Variants in ASB18 observed in about 807,000 individuals in gnomAD.
The protein encoded by ASB18 is ankyrin repeat and SOCS box containing 18.
A neutral mutation model predicts 33.4 loss-of-function variants in ASB18; 33 were observed. The ratio of observed to expected loss-of-function variants is 0.99; its 90% CI spans 0.75 to 1.32. The LOEUF is 1.32. Ranked by LOEUF, ASB18 falls within the 40% of genes most tolerant of loss-of-function variation. The pLI, the probability that ASB18 is intolerant of heterozygous loss-of-function variation, is 0.00. For synonymous variants in ASB18, 295 were observed against 307.6 expected (o/e 0.96, Z 0.43); for missense variants, 694 against 655.5 (o/e 1.06, Z -0.64).
At position 236,245,675 on chromosome 2, in the gene ASB18, C is replaced by T. The variant is rs999068680; in HGVS notation, c.206-4273G>A. Among the ~76,000 whole-genome samples, 3 of 152,212 alleles carry T rather than the reference C, an allele frequency of 2.0e-5. No individual in the cohort carries two copies. The highest frequency in any genetic ancestry group is 4.4e-5 in the Non-Finnish European group (3 of 68,046). ...TGCACTCTGACTGTGGCACTGGGCGCTCTACTATTACTGCTGGTTCCTTGT... is the reference window on the plus strand; with the variant it reads ...TGCACTCTGACTGTGGCACTGGGCGTTCTACTATTACTGCTGGTTCCTTGT... On this transcript the variant is annotated intron_variant, in intron 1 of 5. Coordinates refer to ENST00000409749, the MANE Select transcript of ASB18 (RefSeq NM_212556.4). This position sits in a 1 kb window ranked among gnomAD's most constrained non-coding sequence, Gnocchi z 4.7.
In ASB18 at chr2:236,259,008, G is replaced by C. The variant is rs750635297; in HGVS notation, c.205+5133C>G. On this transcript the variant is annotated intron_variant, in intron 1 of 5. Transcript: ENST00000409749. The surrounding 1 kb of genome is among the most constrained non-coding windows in gnomAD (Gnocchi z 4.4). ...TTTCTTAAGTCGTTTGATTACACCAGTTACCAAATTGTACAGTTGATGCAT... is the reference window on the plus strand; with the variant it reads ...TTTCTTAAGTCGTTTGATTACACCACTTACCAAATTGTACAGTTGATGCAT... 5.1e-4 allele frequency among the ~76,000 whole-genome samples: 77 copies of C among 152,142 alleles called. No homozygotes were observed. The highest frequency in any genetic ancestry group is 8.8e-4 in the Non-Finnish European group (60 of 68,020).
rs1372709569 is a variant in ASB18, at chr2:236,222,073, T to C, written c.597-7207A>G. ...GCAGGAAGGTTTCCTCCTGTGGCTC[T>C]ATGCCCCAGCTGACTCCGATGAAGG... On this transcript the variant is annotated intron_variant, in intron 3 of 5. Transcript: ENST00000409749. This position sits in a 1 kb window ranked among gnomAD's most constrained non-coding sequence, Gnocchi z 5.5. Among the ~76,000 whole-genome samples the C allele has an allele frequency of 6.6e-6, 1 of 152,184 alleles. No homozygotes were observed. Among genetic ancestry groups the C allele is most frequent in the Admixed American group, 6.5e-5 (1 of 15,278 alleles).
rs1182738885 is a variant in ASB18 at position 236,205,484 on chromosome 2, A to C, written c.1101+8878T>G. Among the ~76,000 whole-genome samples the C allele has an allele frequency of 6.6e-6, 1 of 152,020 alleles. No individual in the cohort carries two copies. Among genetic ancestry groups the C allele is most frequent in the Non-Finnish European group, 1.5e-5 (1 of 68,000 alleles). On this transcript the variant is annotated intron_variant, in intron 4 of 5. Transcript: ENST00000409749. The surrounding 1 kb of genome is among the most constrained non-coding windows in gnomAD (Gnocchi z 5.4). ...ATTGCAACTGCCTTCCACCCTTTTA[A>C]TTTCTCTATAGTCCTTATCACTTTT...
chr2:236,236,454 G>A (rs541608820), intron 3 of ASB18, among the ~76,000 whole-genome samples: 2 of 152,256 alleles, frequency 1.3e-5, no homozygotes, highest in African/African-American at 4.8e-5. Flanking sequence ...TGGACTGCGG[G>A]GTGTTGCACG....
rs760156727 is a variant in ASB18, at chr2:236,259,561, A to G, written c.205+4580T>C. The G allele has an allele frequency of 5.5e-5, 26 of 471,002 alleles. No homozygotes were observed. In the Middle Eastern group the frequency reaches 1.9e-3, roughly 35 times the overall value. The allele number at this position is 471,002 out of a possible 1,614,324, so 29.2% of individuals were successfully genotyped here. Reference sequence around the variant, plus strand: ...AAGGGATGGCCTTCCAGTGGACGTGACCTCCCCTGCATGGGGTCGGAAGGA... The same window carrying G: ...AAGGGATGGCCTTCCAGTGGACGTGGCCTCCCCTGCATGGGGTCGGAAGGA... On this transcript the variant is annotated intron_variant, in intron 1 of 5. Coordinates refer to ENST00000409749, the MANE Select transcript of ASB18 (RefSeq NM_212556.4). The surrounding 1 kb of genome is among the most constrained non-coding windows in gnomAD (Gnocchi z 4.4).
Position 236,260,417 on chromosome 2 carries a change from GCATTTCAAGGT to G in ASB18, c.205+3713_205+3723del, listed in dbSNP as rs2060712542. 1.3e-5 allele frequency among the ~76,000 whole-genome samples: 2 copies of G among 152,086 alleles called. No homozygotes were observed. The highest frequency in any genetic ancestry group is 4.1e-4 in the South Asian group (2 of 4,824). On this transcript the variant is annotated intron_variant, in intron 1 of 5. Coordinates refer to ENST00000409749, the MANE Select transcript of ASB18 (RefSeq NM_212556.4). This position sits in a 1 kb window ranked among gnomAD's most constrained non-coding sequence, Gnocchi z 5.1. ...ACAGTGTCCATTCCCAATATGTGCT[GCATTTCAAGGT>G]CATTGCCATAAGTTTTGACCACTGT... is the stretch of plus-strand genomic sequence containing the variant.
At position 236,219,887 on chromosome 2, in the gene ASB18, G is replaced by C. The variant is rs907175742; in HGVS notation, c.597-5021C>G. 6.6e-6 allele frequency among the ~76,000 whole-genome samples: 1 copy of C among 152,182 alleles called. No individual in the cohort carries two copies. The highest frequency in any genetic ancestry group is 1.5e-5 in the Non-Finnish European group (1 of 68,034). Reference sequence around the variant, plus strand: ...CAGTCACCGTTGGGATCTAAGGGTAGAATTCCCATCTGAGGATGTCAGAAC... The same window carrying C: ...CAGTCACCGTTGGGATCTAAGGGTACAATTCCCATCTGAGGATGTCAGAAC... On this transcript the variant is annotated intron_variant, in intron 3 of 5. Coordinates refer to ENST00000409749, the MANE Select transcript of ASB18 (RefSeq NM_212556.4). This position sits in a 1 kb window ranked among gnomAD's most constrained non-coding sequence, Gnocchi z 6.4.
At position 236,220,246 on chromosome 2, in the gene ASB18, C is replaced by T. The variant is rs1323365707; in HGVS notation, c.597-5380G>A. Among the ~76,000 whole-genome samples, 5 of 152,228 alleles carry T rather than the reference C, an allele frequency of 3.3e-5. No individual in the cohort carries two copies. The highest frequency in any genetic ancestry group is 5.9e-5 in the Non-Finnish European group (4 of 68,050). ...CTCCAGCACCTTCCCAAAGCACTGG[C>T]TTTTCCTAGTCCCTTCCCAGGGCAC... On this transcript the variant is annotated intron_variant, in intron 3 of 5. Transcript: ENST00000409749. The surrounding 1 kb of genome is among the most constrained non-coding windows in gnomAD (Gnocchi z 5.1).
Position 236,196,994 on chromosome 2 carries a change from T to A in ASB18, c.1102-609A>T, listed in dbSNP as rs946413113. ...CACTATTTGCTTTTAAAAAATAAAC[T>A]TTTTTTTGTTATGGAGAAGTTTGAA... On this transcript the variant is annotated intron_variant, in intron 4 of 5. Coordinates refer to ENST00000409749, the MANE Select transcript of ASB18 (RefSeq NM_212556.4). The surrounding 1 kb of genome is among the most constrained non-coding windows in gnomAD (Gnocchi z 5.6). 3.3e-5 allele frequency among the ~76,000 whole-genome samples: 5 copies of A among 151,210 alleles called. No individual in the cohort carries two copies. In the South Asian group the frequency reaches 1.0e-3, roughly 31 times the overall value.
chr2:236,238,422 C>T lies in ASB18; in HGVS notation c.329-466G>A, dbSNP rs535080137. 2.0e-5 allele frequency among the ~76,000 whole-genome samples: 3 copies of T among 152,252 alleles called. No homozygotes were observed. The highest frequency in any genetic ancestry group is 4.8e-5 in the African/African-American group (2 of 41,544). ...AGCACTCCCTTAGCTGAGCTCCAAA[C>T]TTGTCCCTTTATCATTAAGAAGAGA... is the stretch of plus-strand genomic sequence containing the variant. On this transcript the variant is annotated intron_variant, in intron 2 of 5. Coordinates refer to ENST00000409749, the MANE Select transcript of ASB18 (RefSeq NM_212556.4). The surrounding 1 kb of genome is among the most constrained non-coding windows in gnomAD (Gnocchi z 5.2).
intron 4 of ASB18, among the ~76,000 whole-genome samples, chr2:236,198,334 C>A (rs1056273008): frequency 6.6e-6 from 1 of 151,910 alleles, no homozygotes; most frequent in Non-Finnish European, 1.5e-5. Context: ...TTTTTCCATG[C>A]AGAATAGATT....
chr2:236,207,658 C>T (rs1198217402), intron 4 of ASB18, among the ~76,000 whole-genome samples: 11 of 152,188 alleles, frequency 7.2e-5, no homozygotes, highest in Non-Finnish European at 7.3e-5. Flanking sequence ...GCCCCGTTCC[C>T]GGTTGGACGG....
chr2:236,237,400 G>A lies in ASB18; in HGVS notation c.596+289C>T, dbSNP rs2060598806. Reference sequence around the variant, plus strand: ...GGGGCGCGGGGCGGGGGCCGGGGCCGGGGCGCGGGGCGGGGGCCGGGGCCG... The same window carrying A: ...GGGGCGCGGGGCGGGGGCCGGGGCCAGGGCGCGGGGCGGGGGCCGGGGCCG... On this transcript the variant is annotated intron_variant, in intron 3 of 5. Coordinates refer to ENST00000409749, the MANE Select transcript of ASB18 (RefSeq NM_212556.4). This position sits in a 1 kb window ranked among gnomAD's most constrained non-coding sequence, Gnocchi z 6.2. Among the ~76,000 whole-genome samples the A allele has an allele frequency of 3.0e-5, 3 of 101,542 alleles. No homozygotes were observed. The highest frequency in any genetic ancestry group is 2.5e-4 in the East Asian group (1 of 3,984). The allele number at this position is 101,542 out of a possible 152,430, so 66.6% of individuals were successfully genotyped here. A position where few individuals can be genotyped will look rare whatever the true frequency, so the allele number is the denominator to read the frequency against.
In ASB18 at chr2:236,222,724, T is replaced by C. The variant is rs371542181; in HGVS notation, c.597-7858A>G. On this transcript the variant is annotated intron_variant, in intron 3 of 5. Transcript: ENST00000409749. The surrounding 1 kb of genome is among the most constrained non-coding windows in gnomAD (Gnocchi z 5.5). ...CGAGTTCATGGGTGATCTGGCTGTT[T>C]AAAAGCATGTGGCAGCCAGGTGTGG... Among the ~76,000 whole-genome samples the C allele has an allele frequency of 2.6e-5, 4 of 152,136 alleles. No individual in the cohort carries two copies. In the East Asian group the frequency reaches 7.7e-4, roughly 29 times the overall value.
At chr2:236,199,388 G>C (rs919164798) in intron 4 of ASB18, among the ~76,000 whole-genome samples, 1 of 148,156 alleles carries the variant, frequency 6.7e-6, no homozygotes, top group African/African-American at 2.5e-5. Flanking sequence ...CTCCAGCCTG[G>C]GTGACAGGGT....
chr2:236,206,652 G>C (rs780288154), intron 4 of ASB18, among the ~76,000 whole-genome samples: 1 of 152,092 alleles, frequency 6.6e-6, no homozygotes, highest in Non-Finnish European at 1.5e-5. Context: ...TGCTACTTGT[G>C]ATTTAAACCA....
chr2:236,199,914 T>C (rs1215951716), intron 4 of ASB18, among the ~76,000 whole-genome samples: 1 of 152,250 alleles, frequency 6.6e-6, no homozygotes, highest in Non-Finnish European at 1.5e-5. Context: ...TTGATAGTTT[T>C]CATTTCTTTC....
rs1168124939 is a variant in ASB18 at position 236,234,239 on chromosome 2, C to G, written c.596+3450G>C. Among the ~76,000 whole-genome samples, 1 of 152,148 alleles carries G rather than the reference C, an allele frequency of 6.6e-6. No individual in the cohort carries two copies. Among genetic ancestry groups the G allele is most frequent in the African/African-American group, 2.4e-5 (1 of 41,432 alleles). On this transcript the variant is annotated intron_variant, in intron 3 of 5. Coordinates refer to ENST00000409749, the MANE Select transcript of ASB18 (RefSeq NM_212556.4). The surrounding 1 kb of genome is among the most constrained non-coding windows in gnomAD (Gnocchi z 4.1). ...GTTGCTATAAGACCCTTGCCCCCTC[C>G]CCTGGCTATGTCCCCTAGGAGGCTG... is the stretch of plus-strand genomic sequence containing the variant.
In ASB18 at chr2:236,220,620, T is replaced by C. The variant is rs562954732; in HGVS notation, c.597-5754A>G. 6.6e-6 allele frequency among the ~76,000 whole-genome samples: 1 copy of C among 152,078 alleles called. No individual in the cohort carries two copies. The highest frequency in any genetic ancestry group is 2.1e-4 in the South Asian group (1 of 4,814). On this transcript the variant is annotated intron_variant, in intron 3 of 5. Coordinates refer to ENST00000409749, the MANE Select transcript of ASB18 (RefSeq NM_212556.4). The surrounding 1 kb of genome is among the most constrained non-coding windows in gnomAD (Gnocchi z 5.1). ...AAACAACTTTGCATTGTAGGTGGAA[T>C]TTACAGTTGGGGAAATTGAGGCTTA... is the stretch of plus-strand genomic sequence containing the variant.
Sources: gnomAD v4.1 joint callset for allele counts (sites outside exome capture counted in the v4.1 genomes callset) on GRCh38, gnomAD v4.1.1 for gene constraint, Gnocchi (gnomAD v3.1) non-coding constraint, MANE v1.5 for transcripts, NCBI Gene and HGNC (gene_info 2026-07-23, HGNC 2026-07-21) for gene names.